The following AFF3 variants were observed in gnomAD, a reference collection of about 807,000 sequenced individuals.
AFF3 encodes the protein AF4/FMR2 family member 3.
A neutral mutation model predicts 129.7 loss-of-function variants in AFF3; 32 were observed. The observed-to-expected ratio is 0.25, with a 90% CI of 0.19 to 0.33. The LOEUF (loss-of-function observed/expected upper bound fraction) is 0.33, where lower values mean the gene tolerates loss of function less well. Ranked by LOEUF, AFF3 falls within the 10% of genes least tolerant of loss-of-function variation. The pLI is 1.00. For synonymous variants in AFF3, 644 were observed against 635.4 expected, an observed-to-expected ratio of 1.01 and a Z score of -0.20; for missense variants, 1,373 against 1,592.0, an observed-to-expected ratio of 0.86 and a Z score of 2.34.
intron 8 of AFF3, among the ~76,000 whole-genome samples, chr2:99,808,665 A>T (rs565935186): frequency 5.3e-5 from 8 of 152,196 alleles, no homozygotes; most frequent in Non-Finnish European, 1.2e-4. Context: ...TTTAAAAAAC[A>T]AAAGAAAAAA....
At chr2:100,041,368 T>C (rs777255176) in intron 4 of AFF3, among the ~76,000 whole-genome samples, 10 of 152,184 alleles carry the variant, frequency 6.6e-5, no homozygotes, top group Non-Finnish European at 1.0e-4. Context: ...AAAAGAAATA[T>C]CATGATTTTA....
Position 99,696,132 on chromosome 2 carries a change from AT to A in AFF3, c.1092-23544del, listed in dbSNP as rs200434691. Among the ~76,000 whole-genome samples the A allele has an allele frequency of 2.3e-3, 347 of 148,472 alleles. 2 individuals carry two copies. The East Asian group carries it at 0.037, about 16-fold the overall frequency. On this transcript the variant is annotated intron_variant, in intron 11 of 24. Transcript: ENST00000672756. ...CAAACCCATTCAGACAAAATTGATTATTTTTTTTTTTCATGAGGGGTGCAGA... is the reference window on the plus strand; with the variant it reads ...CAAACCCATTCAGACAAAATTGATTATTTTTTTTTTCATGAGGGGTGCAGA...
At chr2:100,126,409 A>G (rs1480187753) in intron 2 of AFF3, among the ~76,000 whole-genome samples, 1 of 152,208 alleles carries the variant, frequency 6.6e-6, no homozygotes, top group African/African-American at 2.4e-5. Context: ...TTCTTAGAAG[A>G]CAGAAATAGA....
intron 14 of AFF3, among the ~76,000 whole-genome samples, chr2:99,595,314 A>G (rs1340143410): frequency 6.6e-6 from 1 of 152,224 alleles, no homozygotes; most frequent in Non-Finnish European, 1.5e-5. Flanking sequence ...GAGTATTTTC[A>G]ATTTGTGACT....
In AFF3 at chr2:99,835,978, G is replaced by C. The variant is rs546969229; in HGVS notation, c.921+1499C>G. On this transcript the variant is annotated intron_variant, in intron 8 of 24. Transcript: ENST00000672756. ...TAAAGCTGAATGAGCTTTTGATTGT[G>C]ACACTCAGTTTTATTCAAATTGAAT... 3.3e-5 allele frequency among the ~76,000 whole-genome samples: 5 copies of C among 152,268 alleles called. No individual in the cohort carries two copies. The South Asian group carries it at 1.0e-3, about 32-fold the overall frequency.
chr2:99,593,587 T>C lies in AFF3; in HGVS notation c.2074A>G (p.Lys692Glu). Reference protein sequence around the residue: ...ESEQEEYPLSKAQTVAASASS... With the variant: ...ESEQEEYPLSEAQTVAASASS... ...GCAGAGGCAGCCACGGTCTGTGCTT[T>C]GGACAGAGGGTACTCCTCCTGCTCG... The change falls in exon 15 of 25, where the codon AAA (lysine) becomes GAA (glutamate). Residue 692 changes from lysine to glutamate, a missense_variant. Transcript: ENST00000672756. 1.2e-6 allele frequency: 2 copies of C among 1,613,008 alleles called. No homozygotes were observed. The highest frequency in any genetic ancestry group is 1.7e-6 in the Non-Finnish European group (2 of 1,179,812).
At chr2:99,649,697 T>G in intron 12 of AFF3, 31 bp from the exon 13 acceptor site, 1 of 1,613,304 alleles carries the variant, frequency 6.2e-7, no homozygotes, top group Non-Finnish European at 8.5e-7. Flanking sequence ...AGATGTTTAT[T>G]TAATATTCTG....
At chr2:100,048,769 T>C (rs1686042027) in intron 4 of AFF3, among the ~76,000 whole-genome samples, 1 of 152,226 alleles carries the variant, frequency 6.6e-6, no homozygotes. Flanking sequence ...GTGCAAAATG[T>C]AGAAATGTAT....
intron 7 of AFF3, among the ~76,000 whole-genome samples, chr2:100,000,512 GCACACA>G (rs67954752): frequency 0.027 from 4,027 of 148,848 alleles, 78 homozygotes; most frequent in Non-Finnish European, 0.039. Context: ...TAGCACGCGC[GCACACA>G]CACACACACA....
intron 18 of AFF3, among the ~76,000 whole-genome samples, chr2:99,569,562 G>C (rs1404299714): frequency 6.6e-6 from 1 of 152,164 alleles, no homozygotes; most frequent in Non-Finnish European, 1.5e-5. Context: ...ATTAACAGCA[G>C]ACATGTGGAT....
intron 10 of AFF3, among the ~76,000 whole-genome samples, chr2:99,730,167 T>C (rs1679704201): frequency 6.6e-6 from 1 of 152,124 alleles, no homozygotes; most frequent in African/African-American, 2.4e-5. Context: ...TAATACAGAA[T>C]TCCATGCTGC....
intron 2 of AFF3, chr2:100,107,103 A>T (rs1691337246): frequency 1.0e-6 from 1 of 985,332 alleles, no homozygotes; most frequent in Admixed American, 6.1e-5. Flanking sequence ...ACATGGGGAT[A>T]GTTGGATTGA....
chr2:99,844,109 C>G (rs1438334210), intron 7 of AFF3, among the ~76,000 whole-genome samples: 1 of 151,872 alleles, frequency 6.6e-6, no homozygotes, highest in Non-Finnish European at 1.5e-5. Context: ...CTGAAAGATA[C>G]AAAAAAAGAC....
chr2:99,682,259 C>A (rs73966506), intron 11 of AFF3, among the ~76,000 whole-genome samples: 1 of 152,266 alleles, frequency 6.6e-6, no homozygotes, highest in African/African-American at 2.4e-5. Flanking sequence ...CATCTCCAAT[C>A]CATAGGACAG....
At chr2:100,049,553 T>C (rs942294800) in intron 4 of AFF3, among the ~76,000 whole-genome samples, 1 of 152,142 alleles carries the variant, frequency 6.6e-6, no homozygotes, top group African/African-American at 2.4e-5. Flanking sequence ...GCACTAGATA[T>C]TATTATATTC....
chr2:99,869,067 G>A (rs1396584434), intron 7 of AFF3, among the ~76,000 whole-genome samples: 5 of 151,932 alleles, frequency 3.3e-5, no homozygotes, highest in African/African-American at 1.2e-4. Flanking sequence ...AAAGTGCTAG[G>A]ATTACAGGTG....
intron 15 of AFF3, among the ~76,000 whole-genome samples, chr2:99,590,517 T>C (rs1316813708): frequency 1.3e-5 from 2 of 152,176 alleles, no homozygotes; most frequent in Non-Finnish European, 1.5e-5. Flanking sequence ...CATGAAAAGC[T>C]GGACCTGCAG....
chr2:100,133,609 A>G (rs1048531735), intron 1 of AFF3, among the ~76,000 whole-genome samples: 1 of 152,058 alleles, frequency 6.6e-6, no homozygotes, highest in Non-Finnish European at 1.5e-5. Context: ...CCTGGCTCTC[A>G]TGTACTACTT....
intron 13 of AFF3, among the ~76,000 whole-genome samples, chr2:99,614,756 C>A (rs559810179): frequency 2.6e-5 from 4 of 152,244 alleles, no homozygotes; most frequent in Admixed American, 2.6e-4. Context: ...AGGGTTCAGC[C>A]CTGCTTTTGG....
Sources: allele counts gnomAD v4.1 joint callset (sites outside exome capture counted in the v4.1 genomes callset), GRCh38; gene constraint gnomAD v4.1.1; transcripts MANE v1.5; gene names NCBI Gene and HGNC (gene_info 2026-07-23, HGNC 2026-07-21).